ITGA5: variants seen among roughly 807,000 people sequenced by gnomAD.
ITGA5 encodes integrin alpha-5.
ITGA5 carries 55 observed loss-of-function variants against 146.3 expected under a neutral mutation model. That is an observed-to-expected ratio of 0.38 (90% CI 0.30 to 0.47). ITGA5 has a LOEUF of 0.47. Ranked by LOEUF, ITGA5 falls within the 20% of genes least tolerant of loss-of-function variation. The pLI is 0.99. For synonymous variants in ITGA5, 500 were observed against 531.8 expected, an observed-to-expected ratio of 0.94 and a Z score of 0.82; for missense variants, 1,131 against 1,329.0, an observed-to-expected ratio of 0.85 and a Z score of 2.32.
At chr12:54,407,203 G>A (rs747341774) in intron 9 of ITGA5, among the ~76,000 whole-genome samples, 4 of 152,204 alleles carry the variant, frequency 2.6e-5, no homozygotes, top group Admixed American at 6.5e-5. Context: ...ATAAGATGGG[G>A]TATGATACCT....
At chr12:54,398,260 C>A (rs1003721554) in intron 28 of ITGA5, among the ~76,000 whole-genome samples, 3 of 152,178 alleles carry the variant, frequency 2.0e-5, no homozygotes, top group Non-Finnish European at 4.4e-5. Flanking sequence ...CTGGTTAGTT[C>A]CTATTTATTC....
chr12:54,396,311 TG>T lies in ITGA5; in HGVS notation c.3131del (p.Pro1044GlnfsTer27). Reference protein sequence around the residue: ...TAMEKAQLKPPATSDA With the variant: ...TAMEKAQLKPXATSDA The stretch of plus-strand genomic sequence containing the variant: ...GGAGGACTCAGGCATCAGAGGTGGC[TG>T]GAGGCTTGAGCTGAGCTTTTTCCAT... On this transcript the variant is annotated frameshift_variant, in exon 30 of 30. Coordinates refer to ENST00000293379, the MANE Select transcript of ITGA5 (RefSeq NM_002205.5). LOFTEE classifies it high-confidence loss of function. 1 of 1,613,938 alleles carries T rather than the reference TG, an allele frequency of 6.2e-7. No individual in the cohort carries two copies.
chr12:54,416,880 C>G lies in ITGA5; in HGVS notation c.218+2101G>C, dbSNP rs1370838084. Among the ~76,000 whole-genome samples, 1 of 152,176 alleles carries G rather than the reference C, an allele frequency of 6.6e-6. No individual in the cohort carries two copies. The highest frequency in any genetic ancestry group is 1.5e-5 in the Non-Finnish European group (1 of 68,032). On this transcript the variant is annotated intron_variant, in intron 1 of 29. Coordinates refer to ENST00000293379, the MANE Select transcript of ITGA5 (RefSeq NM_002205.5). The surrounding 1 kb of genome is among the most constrained non-coding windows in gnomAD (Gnocchi z 4.1). ...TGTCCTTTAATACTATTTTGGTGTT[C>G]ACCACAAGAGGTGATGCAGGAAGAA...
rs774696975 is a variant in ITGA5, at chr12:54,403,771, C to T, written c.1630G>A (p.Val544Met). Residue 544 changes from valine (V) to methionine (M), a missense_variant, in exon 17 of 30, where the codon GTG (valine) becomes ATG (methionine). Transcript: ENST00000293379. The surrounding 1 kb of genome is among the most constrained non-coding windows in gnomAD (Gnocchi z 4.9). ...TTCTGCCAGTCCAGCTGAAGTTCCA[C>T]TGTGAAACCTGAAGCCAGGGACATA... Reference protein sequence around the residue: ...KHVADSIGFTVELQLDWQKQK... With the variant: ...KHVADSIGFTMELQLDWQKQK... The T allele has an allele frequency of 6.2e-7, 1 of 1,614,046 alleles. No individual in the cohort carries two copies. The highest frequency in any genetic ancestry group is 8.5e-7 in the Non-Finnish European group (1 of 1,179,926).
chr12:54,396,068 T>C lies in ITGA5; in HGVS notation c.*225A>G, dbSNP rs530030426. On this transcript the variant is annotated 3_prime_UTR_variant, in exon 30 of 30. Transcript: ENST00000293379. Reference sequence around the variant, plus strand: ...CCCTGGATCTGAGTTCCCCCATCCATGAAGAGGGTATGTGTAAACAAGGGT... The same window carrying C: ...CCCTGGATCTGAGTTCCCCCATCCACGAAGAGGGTATGTGTAAACAAGGGT... The C allele has an allele frequency of 7.4e-5, 35 of 470,322 alleles. No individual in the cohort carries two copies. The highest frequency in any genetic ancestry group is 1.2e-4 in the Non-Finnish European group (31 of 261,092). The allele number at this position is 470,322 out of a possible 1,614,324, so 29.1% of individuals were successfully genotyped here.
chr12:54,401,368 C>T lies in ITGA5; in HGVS notation c.2493+5G>A. 1 of 1,601,002 alleles carries T rather than the reference C, an allele frequency of 6.2e-7. No individual in the cohort carries two copies. The highest frequency in any genetic ancestry group is 1.1e-5 in the South Asian group (1 of 90,782). On this transcript the variant is annotated splice_donor_5th_base_variant and intron_variant, in intron 24 of 29. Coordinates refer to ENST00000293379, the MANE Select transcript of ITGA5 (RefSeq NM_002205.5). The surrounding 1 kb of genome is among the most constrained non-coding windows in gnomAD (Gnocchi z 5.0). The stretch of plus-strand genomic sequence containing the variant: ...TCATTCTGGCCCTGCCCCTTCCCCC[C>T]TTACCTCATAGACATGGTGGACAGC...
At chr12:54,399,994 T>C (rs1239275205) in intron 25 of ITGA5, 47 bp from the exon 26 acceptor site, 1 of 1,386,668 alleles carries the variant, frequency 7.2e-7, no homozygotes, top group African/African-American at 1.4e-5. Context: ...TTACAGCTTC[T>C]AAGTCAGCTT....
rs779513466 is a variant in ITGA5, at chr12:54,419,186, T to G, written c.13A>C (p.Thr5Pro). 1.9e-6 allele frequency: 3 copies of G among 1,564,432 alleles called. No individual in the cohort carries two copies. The South Asian group carries it at 3.5e-5, about 18-fold the overall frequency. The stretch of plus-strand genomic sequence containing the variant: ...ACGGCGTGGAGAGGGGACTCTGGCG[T>G]CCGGCTCCCCATAGCGCCCGCTCTT... MGSR[T>P]PESPLHAVQL... Residue 5 changes from threonine to proline, a missense_variant, in exon 1 of 30, where the codon ACG becomes CCG. Thr to Pro is a conservative substitution (Grantham distance 38). Around this residue, in one of 3 missense-constraint regions of ITGA5, gnomAD observed 175 missense variants for 179.3 expected, o/e 0.98. Transcript: ENST00000293379.
In ITGA5 at chr12:54,403,933, T is replaced by G; in HGVS notation, c.1599A>C (p.Gly533=). 1.2e-6 allele frequency: 2 copies of G among 1,614,214 alleles called. No homozygotes were observed. The highest frequency in any genetic ancestry group is 1.7e-6 in the Non-Finnish European group (2 of 1,180,048). Residue 533 remains glycine (G), a synonymous_variant, in exon 16 of 30, where the codon GGA becomes GGC. Coordinates refer to ENST00000293379, the MANE Select transcript of ITGA5 (RefSeq NM_002205.5). This position sits in a 1 kb window ranked among gnomAD's most constrained non-coding sequence, Gnocchi z 4.9. ...INLSFCLNAS[G]KHVADSIGFT... ...CACCAATGGAGTCAGCAACGTGTTT[T>G]CCAGAAGCATTGAGGCAGAAGCTAA...
At position 54,403,642 on chromosome 12, in the gene ITGA5, T is replaced by G. The variant is rs147197344; in HGVS notation, c.1759A>C (p.Met587Leu). The G allele has an allele frequency of 6.2e-7, 1 of 1,613,988 alleles. No homozygotes were observed. Among genetic ancestry groups the G allele is most frequent in the African/African-American group, 1.3e-5 (1 of 75,034 alleles). ...GGCCATACCCTGAGGTAGATCTTCA[T>G]CTCTCTGCAATCCTCTCGAGCCCCA... ...QNGAREDCRE[M>L]KIYLRNESEF... The change falls in exon 17 of 30, where the codon ATG becomes CTG. Residue 587 changes from methionine to leucine, a missense_variant. By Grantham distance (15) the Met-to-Leu change is conservative. Transcript: ENST00000293379. This position sits in a 1 kb window ranked among gnomAD's most constrained non-coding sequence, Gnocchi z 4.9.
At position 54,403,056 on chromosome 12, in the gene ITGA5, GAGC is replaced by G. The variant is rs1319537416; in HGVS notation, c.1915-9_1915-7del. ...CAGTCCAGCAAGATCTGAGCCTGGG[GAGC>G]AGGGCAGCCTTGAGAGGGGAAGTTT... On this transcript the variant is annotated splice_region_variant and splice_polypyrimidine_tract_variant and intron_variant, in intron 18 of 29. Transcript: ENST00000293379. This position sits in a 1 kb window ranked among gnomAD's most constrained non-coding sequence, Gnocchi z 4.9. 6.2e-7 allele frequency: 1 copy of G among 1,614,116 alleles called. No individual in the cohort carries two copies. Among genetic ancestry groups the G allele is most frequent in the South Asian group, 1.1e-5 (1 of 91,070 alleles).
intron 19 of ITGA5, 42 bp from the exon 20 acceptor site, chr12:54,402,372 C>T (rs1450854145): frequency 1.3e-6 from 2 of 1,563,612 alleles, no homozygotes; most frequent in East Asian, 2.3e-5. Flanking sequence ...GTGAATTAAT[C>T]CTCAAACCAG....
At chr12:54,402,713 AG>A (rs1041645689) in intron 19 of ITGA5, among the ~76,000 whole-genome samples, 4 of 152,006 alleles carry the variant, frequency 2.6e-5, no homozygotes, top group African/African-American at 9.7e-5. Context: ...AAAAAAAAAA[AG>A]AGTAATAATA....
intron 1 of ITGA5, among the ~76,000 whole-genome samples, chr12:54,418,595 GCCTCTGCGCCC>G (rs1484408484): frequency 3.3e-5 from 5 of 151,232 alleles, no homozygotes; most frequent in African/African-American, 7.3e-5. Flanking sequence ...GCCCTTCCCG[GCCTCTGCGCCC>G]CCTCTGCGCC....
chr12:54,404,265 G>A lies in ITGA5; in HGVS notation c.1464-19C>T. Reference sequence around the variant, plus strand: ...GCGGCCCCTGCCAAGAGTGAATGTGGGGTCAATAGAATTAGGACTCCTCTG... The same window carrying A: ...GCGGCCCCTGCCAAGAGTGAATGTGAGGTCAATAGAATTAGGACTCCTCTG... On this transcript the variant is annotated intron_variant, in intron 14 of 29. Coordinates refer to ENST00000293379, the MANE Select transcript of ITGA5 (RefSeq NM_002205.5). 2.5e-6 allele frequency: 4 copies of A among 1,595,426 alleles called. No individual in the cohort carries two copies. Among genetic ancestry groups the A allele is most frequent in the South Asian group, 2.3e-5 (2 of 88,348 alleles).
At position 54,407,684 on chromosome 12, in the gene ITGA5, C is replaced by T. The variant is rs747807757; in HGVS notation, c.871G>A (p.Ala291Thr). ...GTGAGGTTCCCTTTGGGCACACCAG[C>T]AACAAAGTCTGCAAAGAGAAGAGAA... The part of the protein sequence containing the change: ...FSGDDTEDFV[A>T]GVPKGNLTYG... The change falls in exon 9 of 30, where the codon GCT becomes ACT. Residue 291 changes from alanine (A) to threonine (T), a missense_variant. This residue lies in a region of ITGA5 where 889 missense variants were observed against 1,021.5 expected (regional missense o/e 0.87). Transcript: ENST00000293379. The T allele has an allele frequency of 3.1e-6, 5 of 1,613,736 alleles. No homozygotes were observed. Among genetic ancestry groups the T allele is most frequent in the Non-Finnish European group, 4.2e-6 (5 of 1,179,718 alleles).
chr12:54,409,670 C>T lies in ITGA5; in HGVS notation c.350-73G>A, dbSNP rs1195925665. On this transcript the variant is annotated intron_variant, in intron 2 of 29. Transcript: ENST00000293379. The surrounding 1 kb of genome is among the most constrained non-coding windows in gnomAD (Gnocchi z 4.7). ...GCTCTAGGGCAGCCCCTACCCTCAGCCTGGGGATACCCAACAAACGCTTCC... is the reference window on the plus strand; with the variant it reads ...GCTCTAGGGCAGCCCCTACCCTCAGTCTGGGGATACCCAACAAACGCTTCC... The T allele has an allele frequency of 1.9e-5, 18 of 935,940 alleles. No homozygotes were observed. In the Admixed American group the frequency reaches 4.1e-4, roughly 21 times the overall value. The allele number at this position is 935,940 out of a possible 1,614,324, so 58.0% of individuals were successfully genotyped here.
rs966471511 is a variant in ITGA5, at chr12:54,397,424, T to C, written c.3007A>G (p.Ile1003Val). The change falls in exon 29 of 30, where the codon ATC becomes GTC. Residue 1003 changes from isoleucine (I) to valine (V), a missense_variant. Physicochemically the swap from Ile to Val is conservative, Grantham distance 29. This residue lies in a region of ITGA5 where 889 missense variants were observed against 1,021.5 expected (regional missense o/e 0.87). Transcript: ENST00000293379. ...GSYGVPLWII[I>V]LAILFGLLLL... ...AGGAGGCCAAACAGGATGGCTAGGA[T>C]GATGATCCACAGTGGGACGCCATAG... 2.5e-6 allele frequency: 4 copies of C among 1,614,128 alleles called. No individual in the cohort carries two copies. The African/African-American group carries it at 5.3e-5, about 22-fold the overall frequency.
At position 54,404,137 on chromosome 12, in the gene ITGA5, C is replaced by T; in HGVS notation, c.1565+8G>A. The T allele has an allele frequency of 5.1e-6, 8 of 1,576,766 alleles. No individual in the cohort carries two copies. Among genetic ancestry groups the T allele is most frequent in the Non-Finnish European group, 6.9e-6 (8 of 1,160,688 alleles). ...CAGGTCTCTGCAATTTCCTGGGCAC[C>T]AGCTCACCAGGCCACAGGGTTCCCC... On this transcript the variant is annotated splice_region_variant and intron_variant, in intron 15 of 29. Coordinates refer to ENST00000293379, the MANE Select transcript of ITGA5 (RefSeq NM_002205.5).
Sources: allele counts gnomAD v4.1 joint callset (sites outside exome capture counted in the v4.1 genomes callset), GRCh38; gene constraint gnomAD v4.1.1; regional missense constraint gnomAD v4.1.1; non-coding constraint Gnocchi (gnomAD v3.1); transcripts MANE v1.5; gene names NCBI Gene and HGNC (gene_info 2026-07-23, HGNC 2026-07-21).